The following SRFBP1 variants were observed in gnomAD, a reference collection of about 807,000 sequenced individuals.
SRFBP1 encodes the protein serum response factor binding protein 1, also known as serum response factor-binding protein 1.
In SRFBP1, 47 loss-of-function variants were observed where a neutral mutation model predicts 45.5. The observed-to-expected ratio is 1.03, with a 90% CI of 0.82 to 1.32. The LOEUF is 1.32. Ranked by LOEUF, SRFBP1 falls within the 40% of genes most tolerant of loss-of-function variation. SRFBP1 has a pLI of 0.00. For synonymous variants in SRFBP1, 203 were observed against 166.3 expected (o/e 1.22, Z -1.70); for missense variants, 621 against 484.6 (o/e 1.28, Z -2.64).
chr5:121,969,204 A>G (rs550178251), intron 1 of SRFBP1, among the ~76,000 whole-genome samples: 48 of 152,362 alleles, frequency 3.2e-4, no homozygotes, highest in Admixed American at 1.6e-3. Context: ...AAGCTAGTTT[A>G]TTAAAAAACG....
intron 3 of SRFBP1, among the ~76,000 whole-genome samples, chr5:121,994,271 TTTC>T (rs1171172338): frequency 2.0e-5 from 3 of 152,064 alleles, no homozygotes; most frequent in Non-Finnish European, 2.9e-5. Context: ...CAGCACCTGC[TTTC>T]TAATTTTTCC....
At chr5:121,975,495 A>C (rs1752286430) in intron 3 of SRFBP1, 108 bp downstream of exon 3, 2 of 1,168,766 alleles carry the variant, frequency 1.7e-6, no homozygotes, top group Non-Finnish European at 2.5e-6. Flanking sequence ...AGAGTTGCGT[A>C]AGACATCTTG....
rs78212643 is a variant in SRFBP1 at position 122,001,078 on chromosome 5, T to C, written c.270+6408T>C. 5.0e-3 allele frequency among the ~76,000 whole-genome samples: 766 copies of C among 152,208 alleles called. 10 individuals carry two copies. Among genetic ancestry groups the C allele is most frequent in the African/African-American group, 0.017 (722 of 41,556 alleles). ...CCTTCTCCAAGCTCTTAAGTTTTTC[T>C]CTTTTTTCTAAACCTCCATAAAGTT... On this transcript the variant is annotated intron_variant, in intron 4 of 7. Transcript: ENST00000339397.
In SRFBP1 at chr5:122,049,406, G is replaced by A. The variant is rs147709911; in HGVS notation, n.312-25909G>A. 4.3e-4 allele frequency among the ~76,000 whole-genome samples: 65 copies of A among 152,214 alleles called. 1 individual carries two copies. In the East Asian group the frequency reaches 0.012, roughly 29 times the overall value. On this transcript the variant is annotated intron_variant and non_coding_transcript_variant, in intron 2 of 2. Coordinates refer to the SRFBP1 transcript ENST00000504881. ...CCTTAGAGACCTAGAAAGTGACTTA[G>A]ACTCCCACACAATAATAATAGGAGA...
At chr5:122,039,428 T>C (rs1753738920) in intron 2 of SRFBP1, among the ~76,000 whole-genome samples, 1 of 152,180 alleles carries the variant, frequency 6.6e-6, no homozygotes, top group Non-Finnish European at 1.5e-5. Context: ...TGTTAAAAAC[T>C]GGCTAAGTGC....
chr5:121,965,440 A>G (rs1752042370), intron 1 of SRFBP1, among the ~76,000 whole-genome samples: 1 of 152,224 alleles, frequency 6.6e-6, no homozygotes, highest in Non-Finnish European at 1.5e-5. Flanking sequence ...CATCTATTAA[A>G]TAGGGAATCA....
intron 2 of SRFBP1, among the ~76,000 whole-genome samples, chr5:122,058,626 C>G (rs74555356): frequency 0.043 from 6,477 of 151,334 alleles, 161 homozygotes; most frequent in African/African-American, 0.054. Flanking sequence ...TAATACCTAT[C>G]GTTATATATC....
Position 121,995,804 on chromosome 5 carries a change from G to A in SRFBP1, c.270+1134G>A, listed in dbSNP as rs1043764468. On this transcript the variant is annotated intron_variant, in intron 4 of 7. Coordinates refer to ENST00000339397, the MANE Select transcript of SRFBP1 (RefSeq NM_152546.3). ...GAAAAAAAGAGAGAAGAATCAAATA[G>A]ACACAATAAAAAATGATAAAGGGGA... Among the ~76,000 whole-genome samples, 568 of 151,274 alleles carry A rather than the reference G, an allele frequency of 3.8e-3. 5 individuals are homozygous for A. The highest frequency in any genetic ancestry group is 0.012 in the African/African-American group (513 of 41,354).
At position 122,009,798 on chromosome 5, in the gene SRFBP1, T is replaced by G. The variant is rs560991447; in HGVS notation, c.271-9462T>G. On this transcript the variant is annotated intron_variant, in intron 4 of 7. Transcript: ENST00000339397. ...GTTCTGCAGTAATGGCAAGGATAAT[T>G]CCCATAATCTCTCAAGGGAAAATAT... Among the ~76,000 whole-genome samples the G allele has an allele frequency of 8.5e-4, 127 of 150,014 alleles. No homozygotes were observed. The Middle Eastern group carries it at 0.031, about 37-fold the overall frequency.
At chr5:121,965,543 G>T (rs1752045809) in intron 1 of SRFBP1, among the ~76,000 whole-genome samples, 2 of 152,056 alleles carry the variant, frequency 1.3e-5, no homozygotes. Context: ...TGTTCCATTG[G>T]TCTATATATC....
chr5:122,032,894 A>C (rs544511737), downstream of SRFBP1, among the ~76,000 whole-genome samples: 1 of 152,126 alleles, frequency 6.6e-6, no homozygotes, highest in Non-Finnish European at 1.5e-5. Context: ...ACTGCAGTGT[A>C]TGACAGAGGC....
At position 122,019,264 on chromosome 5, in the gene SRFBP1, A is replaced by G. The variant is rs1252728798; in HGVS notation, c.275A>G (p.Asp92Gly). ...INFEKIFKKP[D>G]STATERAIAR... Reference sequence around the variant, plus strand: ...ATTATATTTTTAAATTTGCAGCCAGATTCTACTGCAACTGAAAGAGCAATT... The same window carrying G: ...ATTATATTTTTAAATTTGCAGCCAGGTTCTACTGCAACTGAAAGAGCAATT... The change falls in exon 5 of 8, where the codon GAT becomes GGT. Residue 92 changes from aspartate (D) to glycine (G), a missense_variant. Coordinates refer to ENST00000339397, the MANE Select transcript of SRFBP1 (RefSeq NM_152546.3). 7 of 1,611,658 alleles carry G rather than the reference A, an allele frequency of 4.3e-6. No individual in the cohort carries two copies. Among genetic ancestry groups the G allele is most frequent in the Non-Finnish European group, 5.9e-6 (7 of 1,178,872 alleles).
At chr5:122,066,596 T>C (rs1403244337) in intron 2 of SRFBP1, 2 of 598,320 alleles carry the variant, frequency 3.3e-6, no homozygotes, top group African/African-American at 3.7e-5. Context: ...TTATGTGCTT[T>C]GTTATTGAAA....
intron 3 of SRFBP1, among the ~76,000 whole-genome samples, chr5:121,988,930 A>G (rs1176413973): frequency 5.3e-5 from 8 of 152,226 alleles, no homozygotes; most frequent in Admixed American, 5.2e-4. Context: ...ATTACTATGT[A>G]GAAAAATGCA....
downstream of SRFBP1, among the ~76,000 whole-genome samples, chr5:122,030,823 G>T (rs6886559): frequency 0.044 from 6,744 of 152,042 alleles, 175 homozygotes; most frequent in African/African-American, 0.06. Context: ...AGATTTCAAC[G>T]ACCATACACA....
intron 4 of SRFBP1, among the ~76,000 whole-genome samples, chr5:121,999,378 G>A (rs962414689): frequency 6.6e-6 from 1 of 151,986 alleles, no homozygotes; most frequent in African/African-American, 2.4e-5. Context: ...ATTTGTTATA[G>A]TCCAGAGTAT....
At chr5:122,076,660 G>T (rs1215691533), downstream of SRFBP1, among the ~76,000 whole-genome samples, 2 of 152,158 alleles carry the variant, frequency 1.3e-5, no homozygotes, top group African/African-American at 4.8e-5. Context: ...CAGGATAAGG[G>T]TTTCCTCCAC....
At chr5:122,020,021 T>G in intron 5 of SRFBP1, 67 bp from the exon 6 acceptor site, 1 of 1,055,114 alleles carries the variant, frequency 9.5e-7, no homozygotes, top group South Asian at 2.1e-5. Context: ...TTTAAAATAC[T>G]GTCCTAAAAC....
intron 3 of SRFBP1, among the ~76,000 whole-genome samples, chr5:121,979,625 G>T (rs1249489451): frequency 1.3e-5 from 2 of 152,122 alleles, no homozygotes; most frequent in South Asian, 4.1e-4. Context: ...ACGTGTTAGA[G>T]ATCTCACCTA....
Sources: gnomAD v4.1 joint callset for allele counts (sites outside exome capture counted in the v4.1 genomes callset) on GRCh38, gnomAD v4.1.1 for gene constraint, MANE v1.5 for transcripts, NCBI Gene and HGNC (gene_info 2026-07-23, HGNC 2026-07-21) for gene names.